Variants in AKAP6 observed in about 807,000 individuals in gnomAD.
AKAP6 encodes the protein A-kinase anchoring protein 6.
A neutral mutation model predicts 188.5 loss-of-function variants in AKAP6; 58 were observed. That is an observed-to-expected ratio of 0.31 (90% CI 0.25 to 0.38). The LOEUF is 0.38. Ranked by LOEUF, AKAP6 falls within the 10% of genes least tolerant of loss-of-function variation. The probability of loss-of-function intolerance (pLI) is 1.00; values close to 1 mark genes in which losing one functional copy is unlikely to be tolerated. For missense variants in AKAP6, 2,710 were observed against 2,740.0 expected, an observed-to-expected ratio of 0.99 and a Z score of 0.24; for synonymous variants, 989 against 998.6, an observed-to-expected ratio of 0.99 and a Z score of 0.18.
At chr14:32,337,700 C>G (rs992461205) in intron 1 of AKAP6, among the ~76,000 whole-genome samples, 2 of 151,840 alleles carry the variant, frequency 1.3e-5, no homozygotes, top group African/African-American at 4.8e-5. Context: ...TTAGGTATAT[C>G]TCCTAATGCT....
chr14:32,613,265 T>C (rs1241829869), intron 7 of AKAP6, among the ~76,000 whole-genome samples: 1 of 152,230 alleles, frequency 6.6e-6, no homozygotes, highest in Non-Finnish European at 1.5e-5. Context: ...TATCATTAGA[T>C]AGATGACGAG....
intron 1 of AKAP6, among the ~76,000 whole-genome samples, chr14:32,354,171 A>G (rs1244890284): frequency 6.6e-6 from 1 of 152,058 alleles, no homozygotes; most frequent in African/African-American, 2.4e-5. Context: ...AGCCAAAAGA[A>G]CAAAGCTGGA....
chr14:32,683,089 G>A (rs1476044212), intron 8 of AKAP6, among the ~76,000 whole-genome samples: 1 of 151,376 alleles, frequency 6.6e-6, no homozygotes, highest in Non-Finnish European at 1.5e-5. Context: ...CGCCTCTTGG[G>A]TTCAAGCGAT....
At chr14:32,466,474 G>A (rs555332332) in intron 2 of AKAP6, among the ~76,000 whole-genome samples, 1 of 152,172 alleles carries the variant, frequency 6.6e-6, no homozygotes, top group Non-Finnish European at 1.5e-5. Context: ...ACTAACGCAG[G>A]AACAGAAAAC....
At chr14:32,332,455 A>G (rs910127321) in intron 1 of AKAP6, among the ~76,000 whole-genome samples, 2 of 152,112 alleles carry the variant, frequency 1.3e-5, no homozygotes, top group Non-Finnish European at 2.9e-5. Flanking sequence ...CAGAGATTTA[A>G]GTAATGAAGA....
intron 1 of AKAP6, among the ~76,000 whole-genome samples, chr14:32,403,834 G>T (rs1000339138): frequency 3.2e-4 from 48 of 152,290 alleles, no homozygotes; most frequent in Admixed American, 2.5e-3. Flanking sequence ...ATTAGCCATG[G>T]TAAATGTATC....
chr14:32,332,535 T>C (rs1886564273), intron 1 of AKAP6, among the ~76,000 whole-genome samples: 1 of 152,080 alleles, frequency 6.6e-6, no homozygotes, highest in Non-Finnish European at 1.5e-5. Flanking sequence ...GTATGGAAAA[T>C]GTTACATCAA....
Position 32,741,192 on chromosome 14 carries a change from T to C in AKAP6, c.3372+5310T>C, listed in dbSNP as rs78218097. 4.4e-3 allele frequency among the ~76,000 whole-genome samples: 662 copies of C among 152,168 alleles called. 10 individuals are homozygous for C. The highest frequency in any genetic ancestry group is 0.015 in the African/African-American group (631 of 41,562). ...TTTCAGATTGTTCACTGTTGACATA[T>C]AGAAACGCTACTGATTTTGTTATGT... On this transcript the variant is annotated intron_variant, in intron 11 of 13. Coordinates refer to ENST00000280979, the MANE Select transcript of AKAP6 (RefSeq NM_004274.5).
chr14:32,423,880 TTG>T (rs1889941444), intron 1 of AKAP6, among the ~76,000 whole-genome samples: 1 of 152,166 alleles, frequency 6.6e-6, no homozygotes, highest in Non-Finnish European at 1.5e-5. Flanking sequence ...AATGCTAAGA[TTG>T]TGAGTAGGGT....
chr14:32,546,331 A>G lies in AKAP6; in HGVS notation c.1678A>G (p.Arg560Gly), dbSNP rs749599248. ...STSSLEPCNQ[R>G]SWNAKLQLQS... The stretch of plus-strand genomic sequence containing the variant: ...ATCCTCACTTGAGCCTTGTAATCAG[A>G]GAAGTTGGAATGCCAAATTGCAATT... Residue 560 changes from arginine (R) to glycine (G), a missense_variant, in exon 4 of 14, where the codon AGA (arginine) becomes GGA (glycine). By Grantham distance (125) the Arg-to-Gly change is moderately radical (BLOSUM62 -2). Coordinates refer to ENST00000280979, the MANE Select transcript of AKAP6 (RefSeq NM_004274.5). 1 of 1,614,186 alleles carries G rather than the reference A, an allele frequency of 6.2e-7. No homozygotes were observed. The highest frequency in any genetic ancestry group is 1.1e-5 in the South Asian group (1 of 91,082).
At chr14:32,811,274 G>C (rs1428377849) in intron 12 of AKAP6, among the ~76,000 whole-genome samples, 1 of 137,316 alleles carries the variant, frequency 7.3e-6, no homozygotes, top group Non-Finnish European at 1.6e-5. Context: ...AACAGACTAA[G>C]ATAATGTGTG....
At chr14:32,727,426 G>A (rs1362829801) in intron 9 of AKAP6, among the ~76,000 whole-genome samples, 1 of 152,122 alleles carries the variant, frequency 6.6e-6, no homozygotes, top group Non-Finnish European at 1.5e-5. Flanking sequence ...GGTATGATTG[G>A]AATTAAATTA....
chr14:32,596,408 C>A (rs1379588968), intron 5 of AKAP6, among the ~76,000 whole-genome samples: 1 of 152,188 alleles, frequency 6.6e-6, no homozygotes, highest in African/African-American at 2.4e-5. Flanking sequence ...TATATGCAAG[C>A]TGGTGATGCT....
At chr14:32,666,362 T>C (rs186390123) in intron 7 of AKAP6, among the ~76,000 whole-genome samples, 38 of 152,192 alleles carry the variant, frequency 2.5e-4, no homozygotes, top group African/African-American at 8.2e-4. Flanking sequence ...TGTTACTGCA[T>C]GTCTCCAGAG....
At chr14:32,640,633 C>A (rs537060479) in intron 7 of AKAP6, among the ~76,000 whole-genome samples, 1 of 152,130 alleles carries the variant, frequency 6.6e-6, no homozygotes, top group African/African-American at 2.4e-5. Context: ...TAGAGACCAA[C>A]TTGCTCTTGC....
At chr14:32,543,511 G>A (rs953313915) in intron 3 of AKAP6, among the ~76,000 whole-genome samples, 1 of 152,206 alleles carries the variant, frequency 6.6e-6, no homozygotes, top group Non-Finnish European at 1.5e-5. Flanking sequence ...AAACATGGGA[G>A]TTCAGATATC....
chr14:32,379,595 T>A (rs1888278087), intron 1 of AKAP6, among the ~76,000 whole-genome samples: 1 of 152,112 alleles, frequency 6.6e-6, no homozygotes, highest in African/African-American at 2.4e-5. Flanking sequence ...TCCTCTTTAA[T>A]GATGTCAGCC....
intron 2 of AKAP6, among the ~76,000 whole-genome samples, chr14:32,469,424 T>G (rs1356552163): frequency 6.6e-6 from 1 of 152,220 alleles, no homozygotes; most frequent in African/African-American, 2.4e-5. Context: ...TACCAGTAGA[T>G]TCCTAGCGTT....
rs1289285686 is a variant in AKAP6, at chr14:32,546,221, A to G, written c.1568A>G (p.Asn523Ser). Reference sequence around the variant, plus strand: ...ACTGGTTCAGGCAAACAAGCTAAAAATACAAAGAGCTCAGCAGTGCCAAAT... The same window carrying G: ...ACTGGTTCAGGCAAACAAGCTAAAAGTACAAAGAGCTCAGCAGTGCCAAAT... Reference protein sequence around the residue: ...RGTGSGKQAKNTKSSAVPNGE... With the variant: ...RGTGSGKQAKSTKSSAVPNGE... Residue 523 changes from asparagine (N) to serine (S), a missense_variant, in exon 4 of 14, where the codon AAT becomes AGT. Transcript: ENST00000280979. 1 of 1,614,068 alleles carries G rather than the reference A, an allele frequency of 6.2e-7. No homozygotes were observed. The highest frequency in any genetic ancestry group is 1.3e-5 in the African/African-American group (1 of 74,918).
Sources: gnomAD v4.1 joint callset for allele counts (sites outside exome capture counted in the v4.1 genomes callset) on GRCh38, gnomAD v4.1.1 for gene constraint, MANE v1.5 for transcripts, NCBI Gene and HGNC (gene_info 2026-07-23, HGNC 2026-07-21) for gene names.